CAMSAP3: variants seen among roughly 807,000 people sequenced by gnomAD.
CAMSAP3 encodes calmodulin regulated spectrin associated protein family member 3, also known as calmodulin-regulated spectrin-associated protein 3.
Under a neutral mutation model 112.5 loss-of-function variants are expected in CAMSAP3, and 34 were observed. The observed-to-expected ratio is 0.30, with a 90% confidence interval of 0.23 to 0.40. CAMSAP3 has a LOEUF of 0.40. CAMSAP3 is among the 10% of genes least tolerant of loss of function. The pLI, the probability that CAMSAP3 is intolerant of heterozygous loss-of-function variation, is 1.00. For synonymous variants in CAMSAP3, 868 were observed against 799.8 expected (o/e 1.09, Z -1.44); for missense variants, 1,602 against 1,770.3 (o/e 0.90, Z 1.71).
chr19:7,607,812 T>TC lies in CAMSAP3; in HGVS notation c.622-308dup. ...TCCCCCTTGCTGATGGCTGCTCCTC[T>TC]CCCCCCAGCACGCAATTGCCTTCTG... On this transcript the variant is annotated intron_variant, in intron 4 of 16. Coordinates refer to ENST00000160298, the MANE Select transcript of CAMSAP3 (RefSeq NM_020902.2). This position sits in a 1 kb window ranked among gnomAD's most constrained non-coding sequence, Gnocchi z 4.9. 14 of 1,285,026 alleles carry TC rather than the reference T, an allele frequency of 1.1e-5. No homozygotes were observed. The highest frequency in any genetic ancestry group is 2.6e-5 in the East Asian group (1 of 38,478). 79.6% of individuals were successfully genotyped at this position (1,285,026 alleles called of 1,614,324 possible).
chr19:7,613,548 T>C, intron 11 of CAMSAP3, among the ~76,000 whole-genome samples: 1 of 149,706 alleles, frequency 6.7e-6, no homozygotes, highest in Non-Finnish European at 1.5e-5. Context: ...GGGTGAGGGG[T>C]TTCCAGTGGG....
rs2030233082 is a variant in CAMSAP3, at chr19:7,606,526, C to T, written c.576C>T (p.Ala192=). The change falls in exon 4 of 17, where the codon GCC becomes GCT. Residue 192 remains alanine (A), a synonymous_variant. Transcript: ENST00000160298. The part of the protein sequence containing the change: ...EKTEQEAAQR[A]SPAAPADGAA... ...CCGAGCAGGAAGCGGCCCAGCGAGCCTCTCCAGCAGCCCCTGCAGACGGGG... is the reference window on the plus strand; with the variant it reads ...CCGAGCAGGAAGCGGCCCAGCGAGCTTCTCCAGCAGCCCCTGCAGACGGGG... The T allele has an allele frequency of 6.4e-7, 1 of 1,558,866 alleles. No homozygotes were observed. The highest frequency in any genetic ancestry group is 8.6e-7 in the Non-Finnish European group (1 of 1,159,754).
At chr19:7,606,022 G>A (rs1364598733) in intron 2 of CAMSAP3, among the ~76,000 whole-genome samples, 1 of 152,038 alleles carries the variant, frequency 6.6e-6, no homozygotes, top group Non-Finnish European at 1.5e-5. Flanking sequence ...TGTGTACACA[G>A]CCCACCCTAT....
chr19:7,610,272 T>G lies in CAMSAP3; in HGVS notation c.761-204T>G, dbSNP rs1700724272. ...GGCAGAGGTTGCAGTGAGCTGGGAT[T>G]GCGCCACTGCACTACAGCCTGGGTG... On this transcript the variant is annotated intron_variant, in intron 5 of 16. Coordinates refer to ENST00000160298, the MANE Select transcript of CAMSAP3 (RefSeq NM_020902.2). This position sits in a 1 kb window ranked among gnomAD's most constrained non-coding sequence, Gnocchi z 4.9. Among the ~76,000 whole-genome samples, 2 of 150,004 alleles carry G rather than the reference T, an allele frequency of 1.3e-5. No homozygotes were observed. The highest frequency in any genetic ancestry group is 6.9e-3 in the Middle Eastern group (2 of 288).
At chr19:7,608,687 T>G (rs1355598779) in intron 5 of CAMSAP3, among the ~76,000 whole-genome samples, 2 of 143,572 alleles carry the variant, frequency 1.4e-5, no homozygotes, top group African/African-American at 5.2e-5. Flanking sequence ...CAGGCTGGAG[T>G]GTAATGGCAT....
Position 7,607,883 on chromosome 19 carries a change from GC to G in CAMSAP3, c.622-239del. 1.3e-5 allele frequency: 14 copies of G among 1,046,996 alleles called. No individual in the cohort carries two copies. Among genetic ancestry groups the G allele is most frequent in the Non-Finnish European group, 1.8e-5 (13 of 711,116 alleles). The allele number at this position is 1,046,996 out of a possible 1,614,324, so 64.9% of individuals were successfully genotyped here. A position where few individuals can be genotyped will look rare whatever the true frequency, so the allele number is the denominator to read the frequency against. ...AACCCCCCATGGTAATGTATCCCCC[GC>G]CCCGGGGTCCCAGGAGTCCCTGTCC... On this transcript the variant is annotated intron_variant, in intron 4 of 16. Transcript: ENST00000160298. This position sits in a 1 kb window ranked among gnomAD's most constrained non-coding sequence, Gnocchi z 4.9.
In CAMSAP3 at chr19:7,616,622, G is replaced by T; in HGVS notation, c.3212G>T (p.Arg1071Leu). ...NNLGVKRPTS[R>L]APSPSGLMSP... is the part of the protein sequence containing the mutation. ...CTCGGGGTGAAGAGGCCCACGTCTC[G>T]GTGAGTTTAGCCCGCACAGGCGGGG... The change falls in exon 14 of 17, where the codon CGG becomes CTG. Residue 1071 changes from arginine to leucine, a missense_variant and splice_region_variant. Around this residue, in one of 6 missense-constraint regions of CAMSAP3, gnomAD observed 1,100 missense variants for 1,135.7 expected, o/e 0.97. Transcript: ENST00000160298. 6.2e-7 allele frequency: 1 copy of T among 1,602,632 alleles called. No individual in the cohort carries two copies. Among genetic ancestry groups the T allele is most frequent in the South Asian group, 1.1e-5 (1 of 90,990 alleles).
chr19:7,611,476 T>C lies in CAMSAP3; in HGVS notation c.1124-41T>C. On this transcript the variant is annotated intron_variant, in intron 9 of 16. Transcript: ENST00000160298. This position sits in a 1 kb window ranked among gnomAD's most constrained non-coding sequence, Gnocchi z 6.9. The stretch of plus-strand genomic sequence containing the variant: ...AGATGCTGGCTGACCCCACTCAGGG[T>C]TCCCAGGGTCCCCATAGTGACCACT... The C allele has an allele frequency of 6.4e-7, 1 of 1,552,728 alleles. No individual in the cohort carries two copies. Among genetic ancestry groups the C allele is most frequent in the Non-Finnish European group, 8.7e-7 (1 of 1,147,470 alleles).
intron 1 of CAMSAP3, among the ~76,000 whole-genome samples, chr19:7,598,039 C>T (rs374322340): frequency 4.6e-5 from 7 of 152,192 alleles, no homozygotes; most frequent in Middle Eastern, 6.8e-3. Flanking sequence ...GGACTCTTGA[C>T]GGTATGATAC....
intron 1 of CAMSAP3, among the ~76,000 whole-genome samples, chr19:7,598,508 G>T (rs2029861568): frequency 6.6e-6 from 1 of 152,144 alleles, no homozygotes; most frequent in Non-Finnish European, 1.5e-5. Context: ...GATAGTTCTG[G>T]CAACTCCAAG....
chr19:7,614,259 CA>C (rs1173068955), intron 11 of CAMSAP3, among the ~76,000 whole-genome samples: 4,452 of 18,186 alleles, frequency 0.24, 16 homozygotes, highest in Non-Finnish European at 0.27. Context: ...GACTCCATCT[CA>C]AAAAAAAAAA....
chr19:7,595,883 GGCGGCGGCGGCGGCGGCA>G lies in CAMSAP3; in HGVS notation c.-112_-95del, dbSNP rs1162759120. On this transcript the variant is annotated 5_prime_UTR_variant, in exon 1 of 17. Coordinates refer to ENST00000160298, the MANE Select transcript of CAMSAP3 (RefSeq NM_020902.2). Reference sequence around the variant, plus strand: ...CGGCCGCACCTGGCTCAGCAGCGGCGGCGGCGGCGGCGGCGGCAGCGGCGGTAGCAGCAGCGGGCCCGG... The same window carrying G: ...CGGCCGCACCTGGCTCAGCAGCGGCGGCGGCGGTAGCAGCAGCGGGCCCGG... 3 of 352,158 alleles carry G rather than the reference GGCGGCGGCGGCGGCGGCA, an allele frequency of 8.5e-6. No individual in the cohort carries two copies. The highest frequency in any genetic ancestry group is 1.2e-5 in the Non-Finnish European group (3 of 253,168). The allele number at this position is 352,158 out of a possible 1,614,324, so 21.8% of individuals were successfully genotyped here. A position where few individuals can be genotyped will look rare whatever the true frequency, so the allele number is the denominator to read the frequency against.
intron 1 of CAMSAP3, among the ~76,000 whole-genome samples, chr19:7,599,339 C>T (rs925620531): frequency 1.5e-5 from 2 of 133,972 alleles, no homozygotes; most frequent in African/African-American, 2.8e-5. Flanking sequence ...CATCCACCCA[C>T]GCACTCATCC....
Position 7,596,023 on chromosome 19 carries a change from C to T in CAMSAP3, c.21C>T (p.Pro7=). ...CCGCCATGGTGGAGGCGGCGCCCCCCGGGCCCGGGCCGCTGCGGAGGACCT... is the reference window on the plus strand; with the variant it reads ...CCGCCATGGTGGAGGCGGCGCCCCCTGGGCCCGGGCCGCTGCGGAGGACCT... MVEAAP[P]GPGPLRRTFL... The change falls in exon 1 of 17, where the codon CCC becomes CCT. Residue 7 remains proline, a synonymous_variant. Coordinates refer to ENST00000160298, the MANE Select transcript of CAMSAP3 (RefSeq NM_020902.2). 1 of 1,183,990 alleles carries T rather than the reference C, an allele frequency of 8.4e-7. No individual in the cohort carries two copies. Among genetic ancestry groups the T allele is most frequent in the Non-Finnish European group, 1.1e-6 (1 of 936,062 alleles). 73.3% of individuals were successfully genotyped at this position (1,183,990 alleles called of 1,614,324 possible). A position where few individuals can be genotyped will look rare whatever the true frequency, so the allele number is the denominator to read the frequency against.
In CAMSAP3 at chr19:7,596,023, C is replaced by G. The variant is rs1369796925; in HGVS notation, c.21C>G (p.Pro7=). 1 of 1,183,990 alleles carries G rather than the reference C, an allele frequency of 8.4e-7. No individual in the cohort carries two copies. The highest frequency in any genetic ancestry group is 1.1e-6 in the Non-Finnish European group (1 of 936,062). 73.3% of individuals were successfully genotyped at this position (1,183,990 alleles called of 1,614,324 possible). A position where few individuals can be genotyped will look rare whatever the true frequency, so the allele number is the denominator to read the frequency against. MVEAAP[P]GPGPLRRTFL... is the part of the protein sequence containing the mutation. Reference sequence around the variant, plus strand: ...CCGCCATGGTGGAGGCGGCGCCCCCCGGGCCCGGGCCGCTGCGGAGGACCT... The same window carrying G: ...CCGCCATGGTGGAGGCGGCGCCCCCGGGGCCCGGGCCGCTGCGGAGGACCT... Residue 7 remains proline, a synonymous_variant, in exon 1 of 17, where the codon CCC becomes CCG. Transcript: ENST00000160298.
At position 7,610,442 on chromosome 19, in the gene CAMSAP3, T is replaced by C. The variant is rs1468904461; in HGVS notation, c.761-34T>C. On this transcript the variant is annotated intron_variant, in intron 5 of 16. Transcript: ENST00000160298. The surrounding 1 kb of genome is among the most constrained non-coding windows in gnomAD (Gnocchi z 4.9). ...CCCTGGGGCCCCATCCTCCTCCTCATAGAGTTGGGGACCCACTCCTCCTGT... is the reference window on the plus strand; with the variant it reads ...CCCTGGGGCCCCATCCTCCTCCTCACAGAGTTGGGGACCCACTCCTCCTGT... 3 of 1,580,128 alleles carry C rather than the reference T, an allele frequency of 1.9e-6. No individual in the cohort carries two copies. Among genetic ancestry groups the C allele is most frequent in the South Asian group, 2.3e-5 (2 of 85,792 alleles).
In CAMSAP3 at chr19:7,611,203, A is replaced by G; in HGVS notation, c.1123+35A>G. 1 of 1,600,638 alleles carries G rather than the reference A, an allele frequency of 6.2e-7. No homozygotes were observed. ...GGGTAGGTGGCTTCTGTCACGGGGG[A>G]CCCCCCCACTCACAGACTGCCCCAG... On this transcript the variant is annotated intron_variant, in intron 9 of 16. Coordinates refer to ENST00000160298, the MANE Select transcript of CAMSAP3 (RefSeq NM_020902.2). This position sits in a 1 kb window ranked among gnomAD's most constrained non-coding sequence, Gnocchi z 6.9.
Position 7,611,278 on chromosome 19 carries a change from A to G in CAMSAP3, c.1123+110A>G, listed in dbSNP as rs1424591093. Reference sequence around the variant, plus strand: ...AGCCTTCCAATAGCCTCTCCATCAGATCCCCCTTGGGCATCCCAAAGTGAC... The same window carrying G: ...AGCCTTCCAATAGCCTCTCCATCAGGTCCCCCTTGGGCATCCCAAAGTGAC... On this transcript the variant is annotated intron_variant, in intron 9 of 16. Transcript: ENST00000160298. The surrounding 1 kb of genome is among the most constrained non-coding windows in gnomAD (Gnocchi z 6.9). 2 of 1,144,188 alleles carry G rather than the reference A, an allele frequency of 1.7e-6. No homozygotes were observed. Among genetic ancestry groups the G allele is most frequent in the African/African-American group, 1.5e-5 (1 of 65,468 alleles). The allele number at this position is 1,144,188 out of a possible 1,614,324, so 70.9% of individuals were successfully genotyped here. A position where few individuals can be genotyped will look rare whatever the true frequency, so the allele number is the denominator to read the frequency against.
In CAMSAP3 at chr19:7,617,403, A is replaced by G. The variant is rs2030866215; in HGVS notation, c.3290A>G (p.Asn1097Ser). The change falls in exon 15 of 17, where the codon AAT (asparagine) becomes AGT (serine). Residue 1097 changes from asparagine (N) to serine (S), a missense_variant. Coordinates refer to ENST00000160298, the MANE Select transcript of CAMSAP3 (RefSeq NM_020902.2). The surrounding 1 kb of genome is among the most constrained non-coding windows in gnomAD (Gnocchi z 7.5). ...GAACGGGACTGGGAAAATGGCAGCA[A>G]TGCCTCCTCCCCAGCGTCAGTGCCC... ...SRERDWENGSNASSPASVPEY... is the reference protein window; with the variant it reads ...SRERDWENGSSASSPASVPEY... 6.2e-7 allele frequency: 1 copy of G among 1,613,976 alleles called. No homozygotes were observed.
Sources: gnomAD v4.1 joint callset for allele counts (sites outside exome capture counted in the v4.1 genomes callset) on GRCh38, gnomAD v4.1.1 for gene constraint, gnomAD v4.1.1 regional missense constraint, Gnocchi (gnomAD v3.1) non-coding constraint, MANE v1.5 for transcripts, NCBI Gene and HGNC (gene_info 2026-07-23, HGNC 2026-07-21) for gene names.